Variants in SASH1 observed in about 807,000 individuals in gnomAD.
The protein encoded by SASH1 is SAM and SH3 domain containing 1, also known as SAM and SH3 domain-containing protein 1.
In SASH1, 44 loss-of-function variants were observed where a neutral mutation model predicts 125.2. The observed-to-expected ratio is 0.35, with a 90% CI of 0.28 to 0.45. The LOEUF (loss-of-function observed/expected upper bound fraction) is 0.45. Among genes scored for constraint, SASH1 ranks in the 20% least tolerant of loss-of-function variants. The pLI is 1.00. For synonymous variants in SASH1, 639 were observed against 649.1 expected, an observed-to-expected ratio of 0.98 and a Z score of 0.24; for missense variants, 1,426 against 1,614.5, an observed-to-expected ratio of 0.88 and a Z score of 2.00.
the SASH1 span, among the ~76,000 whole-genome samples, chr6:148,222,561 A>C: frequency 6.6e-6 from 1 of 152,220 alleles, no homozygotes; most frequent in Non-Finnish European, 1.5e-5. Context: ...GACTTCCAGA[A>C]AGATTTGCAA....
chr6:148,380,607 T>G (rs533756730), intron 1 of SASH1, among the ~76,000 whole-genome samples: 7 of 152,342 alleles, frequency 4.6e-5, no homozygotes, highest in Admixed American at 4.6e-4. Flanking sequence ...AGTCTAAAAC[T>G]GCCATCTGCT....
intron 1 of SASH1, among the ~76,000 whole-genome samples, chr6:148,382,071 C>A (rs1783162678): frequency 6.6e-6 from 1 of 152,190 alleles, no homozygotes; most frequent in African/African-American, 2.4e-5. Flanking sequence ...GGTTAGCGAC[C>A]TTTACAAAAG....
At chr6:148,244,995 C>T in the SASH1 span, among the ~76,000 whole-genome samples, 8 of 148,240 alleles carry the variant, frequency 5.4e-5, no homozygotes, top group Admixed American at 2.0e-4. Context: ...AGAAAGATTA[C>T]AAGCTGTATC....
intron 1 of SASH1, among the ~76,000 whole-genome samples, chr6:148,296,836 G>A (rs1033548671): frequency 6.6e-6 from 1 of 152,210 alleles, no homozygotes; most frequent in African/African-American, 2.4e-5. Context: ...CAAGTCTGAT[G>A]TAGTTTACTA....
At chr6:148,199,376 A>G in the SASH1 span, among the ~76,000 whole-genome samples, 10,113 of 104,392 alleles carry the variant, frequency 0.097, 345 homozygotes, top group Middle Eastern at 0.13. Flanking sequence ...CCGTCTCAAG[A>G]AAAAAAAAAA....
chr6:148,524,121 A>ATATATATATATTTTTT (rs1193506716), intron 10 of SASH1, among the ~76,000 whole-genome samples: 4 of 128,606 alleles, frequency 3.1e-5, no homozygotes, highest in East Asian at 2.3e-4. Flanking sequence ...ATATATATAT[A>ATATATATATATTTTTT]TTTTTTTTAA....
chr6:148,223,142 T>C, the SASH1 span, among the ~76,000 whole-genome samples: 5,947 of 139,662 alleles, frequency 0.043, 354 homozygotes, highest in African/African-American at 0.15. Flanking sequence ...CAGCGGAGCA[T>C]GGTGGATAAG....
intron 1 of SASH1, among the ~76,000 whole-genome samples, chr6:148,336,285 C>T (rs898792269): frequency 6.8e-6 from 1 of 145,994 alleles, no homozygotes. Flanking sequence ...AAGAGATTCT[C>T]CTGCCTCAGC....
chr6:148,227,285 T>G, the SASH1 span, among the ~76,000 whole-genome samples: 22 of 152,196 alleles, frequency 1.4e-4, no homozygotes, highest in Non-Finnish European at 2.9e-4. Context: ...GTATTTGTCT[T>G]GTCCATAGCT....
At position 148,416,651 on chromosome 6, in the gene SASH1, C is replaced by G. The variant is rs552210478; in HGVS notation, c.286-23533C>G. ...CTGCACACACGCCACCAGCTCAGAA[C>G]AGTGGCTCTGTGTCTTGGGGTTGTG... On this transcript the variant is annotated intron_variant, in intron 2 of 19. Coordinates refer to ENST00000367467, the MANE Select transcript of SASH1 (RefSeq NM_015278.5). 7.9e-5 allele frequency among the ~76,000 whole-genome samples: 12 copies of G among 152,202 alleles called. No homozygotes were observed. The South Asian group carries it at 2.5e-3, about 32-fold the overall frequency.
chr6:148,467,766 G>A (rs997127775), intron 4 of SASH1, among the ~76,000 whole-genome samples: 4 of 152,180 alleles, frequency 2.6e-5, no homozygotes, highest in East Asian at 3.9e-4. Context: ...GTGAAACCCC[G>A]TCTCTACTAA....
chr6:148,285,149 C>T (rs1310258967), intron 1 of SASH1, among the ~76,000 whole-genome samples: 4 of 152,112 alleles, frequency 2.6e-5, no homozygotes, highest in African/African-American at 7.2e-5. Context: ...AGGAGCAGAA[C>T]TTCAAGGATA....
the SASH1 span, among the ~76,000 whole-genome samples, chr6:148,235,524 T>C: frequency 8.2e-3 from 1,250 of 152,280 alleles, 15 homozygotes; most frequent in Middle Eastern, 0.031. Flanking sequence ...AATATGTATT[T>C]GTGCGTGGTT....
rs1353817702 is a variant in SASH1, at chr6:148,301,347, A to C, written n.74+28970A>C. ...ATCTCAAAAAAAAAAAAAAAAAAAA[A>C]CTCTGCCTCCTGGGTTTAAGTGATT... On this transcript the variant is annotated intron_variant and non_coding_transcript_variant, in intron 1 of 3. Transcript: ENST00000367469. Among the ~76,000 whole-genome samples, 41 of 124,032 alleles carry C rather than the reference A, an allele frequency of 3.3e-4. 1 individual carries two copies. In the South Asian group the frequency reaches 0.01, roughly 31 times the overall value. 81.4% of individuals were successfully genotyped at this position (124,032 alleles called of 152,430 possible).
chr6:148,299,238 G>C (rs756929858), intron 1 of SASH1, among the ~76,000 whole-genome samples: 20 of 152,070 alleles, frequency 1.3e-4, no homozygotes, highest in Non-Finnish European at 2.6e-4. Context: ...ACTATAGCCA[G>C]TTGCTGGAGA....
At chr6:148,307,641 T>C (rs1333371173) in intron 1 of SASH1, among the ~76,000 whole-genome samples, 1 of 152,096 alleles carries the variant, frequency 6.6e-6, no homozygotes, top group African/African-American at 2.4e-5. Context: ...TGACTGATCC[T>C]AAGAATCCAG....
chr6:148,454,570 C>CTTTT (rs1777250284), intron 4 of SASH1, among the ~76,000 whole-genome samples: 1 of 152,082 alleles, frequency 6.6e-6, no homozygotes, highest in Admixed American at 6.5e-5. Context: ...AAAGGGTGTG[C>CTTTT]GAAACCATAG....
chr6:148,484,672 G>A (rs1173826933), intron 7 of SASH1, among the ~76,000 whole-genome samples: 3 of 151,860 alleles, frequency 2.0e-5, no homozygotes, highest in African/African-American at 7.3e-5. Context: ...CAGGTGCGGC[G>A]GCTCACACCT....
intron 4 of SASH1, among the ~76,000 whole-genome samples, chr6:148,454,048 G>A (rs1186746241): frequency 6.6e-6 from 1 of 152,170 alleles, no homozygotes; most frequent in Admixed American, 6.5e-5. Flanking sequence ...CCTGCAAAGT[G>A]AAGAGAGCAA....
Sources: allele counts gnomAD v4.1 joint callset (sites outside exome capture counted in the v4.1 genomes callset), GRCh38; gene constraint gnomAD v4.1.1; transcripts MANE v1.5; gene names NCBI Gene and HGNC (gene_info 2026-07-23, HGNC 2026-07-21).